The following DRC10 variants were observed in gnomAD, a reference collection of about 807,000 sequenced individuals.
DRC10 encodes dynein regulatory complex subunit 10.
chr12:113,200,909 T>G, the DRC10 span: 7 of 910,298 alleles, frequency 7.7e-6, no homozygotes, highest in Non-Finnish European at 1.1e-5. Context: ...GAGGCTGAGG[T>G]GGGTGGGTCA....
the DRC10 span, among the ~76,000 whole-genome samples, chr12:113,199,196 C>T: frequency 6.6e-6 from 1 of 152,098 alleles, no homozygotes. Context: ...CTCAGCCTCC[C>T]AAAGTGCTGG....
At chr12:113,205,809 A>C in the DRC10 span, among the ~76,000 whole-genome samples, 2 of 150,430 alleles carry the variant, frequency 1.3e-5, no homozygotes, top group African/African-American at 4.9e-5. Flanking sequence ...GAATGGCGTG[A>C]ACCCGGGAAG....
chr12:113,214,507 CAAAAAAA>C, the DRC10 span, among the ~76,000 whole-genome samples: 12 of 50,324 alleles, frequency 2.4e-4, no homozygotes, highest in South Asian at 7.1e-4. Flanking sequence ...GACTCCGTCT[CAAAAAAA>C]AAAAAAAAAA....
the DRC10 span, among the ~76,000 whole-genome samples, chr12:113,204,546 A>G: frequency 1.5e-4 from 23 of 152,130 alleles, no homozygotes; most frequent in African/African-American, 3.9e-4. Flanking sequence ...CTTTTCCCCT[A>G]TAACAGCAAA....
chr12:113,211,304 G>C, the DRC10 span, among the ~76,000 whole-genome samples: 3 of 152,102 alleles, frequency 2.0e-5, no homozygotes, highest in Admixed American at 6.5e-5. Flanking sequence ...CCAGGAGAAG[G>C]AAGTGACACT....
chr12:113,220,316 C>T, the DRC10 span, among the ~76,000 whole-genome samples: 1 of 152,084 alleles, frequency 6.6e-6, no homozygotes, highest in Non-Finnish European at 1.5e-5. Flanking sequence ...AGTGCAATGG[C>T]GCTATCTTGG....
chr12:113,202,000 G>C, the DRC10 span, among the ~76,000 whole-genome samples: 14,699 of 152,262 alleles, frequency 0.097, 805 homozygotes, highest in East Asian at 0.2. Context: ...TGGCATTTGA[G>C]CCCAGGTCAG....
the DRC10 span, among the ~76,000 whole-genome samples, chr12:113,217,036 C>T: frequency 6.6e-6 from 1 of 152,162 alleles, no homozygotes; most frequent in Admixed American, 6.5e-5. Flanking sequence ...TTGCAGTGAG[C>T]TGAGATTGCA....
At chr12:113,213,841 G>T in the DRC10 span, among the ~76,000 whole-genome samples, 1 of 152,156 alleles carries the variant, frequency 6.6e-6, no homozygotes, top group African/African-American at 2.4e-5. Context: ...CACCTGTGGA[G>T]GCTGAGGCGG....
At chr12:113,208,137 AG>A in the DRC10 span, 1 of 1,613,872 alleles carries the variant, frequency 6.2e-7, no homozygotes, top group African/African-American at 1.3e-5. Flanking sequence ...CCTGATACAA[AG>A]GGGCCATGGC....
the DRC10 span, chr12:113,197,645 G>GA: frequency 7.4e-7 from 1 of 1,352,764 alleles, no homozygotes; most frequent in South Asian, 1.2e-5. Flanking sequence ...TTGTTTGATG[G>GA]AATATATTAA....
the DRC10 span, chr12:113,203,234 A>G: frequency 1.2e-5 from 4 of 331,728 alleles, no homozygotes; most frequent in African/African-American, 6.5e-5. Context: ...CGTGTTGCCC[A>G]GGCTGGTCTC....
At chr12:113,213,315 A>G in the DRC10 span, among the ~76,000 whole-genome samples, 1 of 151,612 alleles carries the variant, frequency 6.6e-6, no homozygotes, top group Non-Finnish European at 1.5e-5. Flanking sequence ...ATTTCATGTC[A>G]TGGGGGTTTG....
the DRC10 span, among the ~76,000 whole-genome samples, chr12:113,215,862 G>A: frequency 4.3e-4 from 66 of 152,222 alleles, no homozygotes; most frequent in Admixed American, 1.1e-3. Flanking sequence ...CTAGAACACC[G>A]ACAACTCCAA....
chr12:113,198,939 C>CT, the DRC10 span, among the ~76,000 whole-genome samples: 29 of 148,120 alleles, frequency 2.0e-4, no homozygotes, highest in Admixed American at 2.7e-4. Context: ...AAAAATGATA[C>CT]TTTTTTTTTT....
At chr12:113,198,869 T>C in the DRC10 span, among the ~76,000 whole-genome samples, 1 of 152,052 alleles carries the variant, frequency 6.6e-6, no homozygotes, top group Non-Finnish European at 1.5e-5. Context: ...AATGGGAGAA[T>C]TGCTTGAGGC....
chr12:113,196,042 T>C, the DRC10 span, among the ~76,000 whole-genome samples: 1 of 151,980 alleles, frequency 6.6e-6, no homozygotes, highest in South Asian at 2.1e-4. Flanking sequence ...GTGACATGGA[T>C]GGGGAGAGGG....
the DRC10 span, among the ~76,000 whole-genome samples, chr12:113,203,707 C>T: frequency 6.6e-6 from 1 of 151,226 alleles, no homozygotes; most frequent in Admixed American, 6.6e-5. Flanking sequence ...AACTCCTGAC[C>T]TTAGGTGATC....
the DRC10 span, chr12:113,195,457 A>T: frequency 6.3e-6 from 9 of 1,422,034 alleles, no homozygotes; most frequent in Non-Finnish European, 8.4e-6. Context: ...GTGGCTTCAA[A>T]TACTTTTTAA....
Sources: gnomAD v4.1 joint callset for allele counts (sites outside exome capture counted in the v4.1 genomes callset) on GRCh38, gnomAD v4.1.1 for gene constraint, MANE v1.5 for transcripts, NCBI Gene and HGNC (gene_info 2026-07-23, HGNC 2026-07-21) for gene names.